Variants in INPP4B observed in about 807,000 individuals in gnomAD.
INPP4B encodes the protein inositol polyphosphate 4-phosphatase type II.
INPP4B carries 55 observed loss-of-function variants against 122.5 expected under a neutral mutation model. The ratio of observed to expected loss-of-function variants is 0.45; its 90% confidence interval spans 0.36 to 0.56. INPP4B has a LOEUF of 0.56. INPP4B is among the 20% of genes least tolerant of loss of function. The pLI is 0.00. For synonymous variants in INPP4B, 403 were observed against 388.7 expected (o/e 1.04, Z -0.43); for missense variants, 1,000 against 1,097.7 (o/e 0.91, Z 1.26).
At chr4:142,608,335 G>T (rs183890142) in intron 2 of INPP4B, among the ~76,000 whole-genome samples, 1 of 152,086 alleles carries the variant, frequency 6.6e-6, no homozygotes, top group East Asian at 1.9e-4. Context: ...CCACACCTTT[G>T]GCATTATAGT....
chr4:142,622,775 T>C (rs1745252498), intron 2 of INPP4B, among the ~76,000 whole-genome samples: 1 of 152,014 alleles, frequency 6.6e-6, no homozygotes, highest in Non-Finnish European at 1.5e-5. Context: ...ATTTTGTTAT[T>C]GTTAAAAAAG....
At chr4:142,132,527 AAAGT>A (rs1214913584) in intron 18 of INPP4B, among the ~76,000 whole-genome samples, 2 of 152,208 alleles carry the variant, frequency 1.3e-5, no homozygotes, top group Non-Finnish European at 2.9e-5. Context: ...TCAAATAAAC[AAAGT>A]AATTTCTACA....
chr4:142,338,800 C>A (rs1477734558), intron 7 of INPP4B, among the ~76,000 whole-genome samples: 4 of 152,190 alleles, frequency 2.6e-5, no homozygotes, highest in Non-Finnish European at 5.9e-5. Flanking sequence ...AAGCGCTCTT[C>A]TACTTGTTCC....
At chr4:142,192,147 C>A (rs576692092) in intron 15 of INPP4B, among the ~76,000 whole-genome samples, 3 of 151,520 alleles carry the variant, frequency 2.0e-5, no homozygotes, top group South Asian at 4.2e-4. Flanking sequence ...CTTCAACAGA[C>A]ACCAGGACCT....
chr4:142,047,625 C>A (rs1250130411), intron 25 of INPP4B, among the ~76,000 whole-genome samples: 1 of 151,984 alleles, frequency 6.6e-6, no homozygotes, highest in Non-Finnish European at 1.5e-5. Flanking sequence ...TACTCTTCGG[C>A]TCCCACAAAA....
chr4:142,351,572 G>A (rs1781941575), intron 7 of INPP4B, among the ~76,000 whole-genome samples: 1 of 151,876 alleles, frequency 6.6e-6, no homozygotes, highest in African/African-American at 2.4e-5. Context: ...CCTGGGACTT[G>A]GACTCAGTTA....
At chr4:142,226,427 C>A (rs974954130) in intron 12 of INPP4B, among the ~76,000 whole-genome samples, 2 of 152,152 alleles carry the variant, frequency 1.3e-5, no homozygotes, top group African/African-American at 2.4e-5. Context: ...CCTTACATAT[C>A]ATGATTATGG....
intron 25 of INPP4B, among the ~76,000 whole-genome samples, chr4:142,051,931 A>G (rs17015340): frequency 0.01 from 1,562 of 152,154 alleles, 13 homozygotes; most frequent in Non-Finnish European, 0.017. Context: ...GTGGGTCCAG[A>G]ACCTCTCATT....
intron 1 of INPP4B, among the ~76,000 whole-genome samples, chr4:142,836,960 G>A (rs908679443): frequency 1.3e-5 from 2 of 151,932 alleles, no homozygotes; most frequent in African/African-American, 4.8e-5. Context: ...GAGGTCAGGA[G>A]TTCGTAACCA....
At chr4:142,473,628 G>A (rs1468030083) in intron 2 of INPP4B, among the ~76,000 whole-genome samples, 2 of 152,212 alleles carry the variant, frequency 1.3e-5, no homozygotes, top group South Asian at 2.1e-4. Context: ...GTGCCTGAGA[G>A]CAGTAAGATT....
At chr4:142,796,052 C>T (rs933007339) in intron 1 of INPP4B, among the ~76,000 whole-genome samples, 5 of 151,858 alleles carry the variant, frequency 3.3e-5, no homozygotes, top group African/African-American at 1.2e-4. Flanking sequence ...AAATAAAACC[C>T]CTTATTGTTG....
At chr4:142,692,573 G>T (rs1760344625) in intron 2 of INPP4B, among the ~76,000 whole-genome samples, 1 of 152,138 alleles carries the variant, frequency 6.6e-6, no homozygotes, top group Admixed American at 6.6e-5. Flanking sequence ...AAATTAAAGG[G>T]ACACAAAGTA....
At chr4:142,489,894 T>C (rs1453117743) in intron 2 of INPP4B, among the ~76,000 whole-genome samples, 2 of 152,182 alleles carry the variant, frequency 1.3e-5, no homozygotes, top group Non-Finnish European at 2.9e-5. Context: ...ATAATCCTTA[T>C]CTCAAAGTTC....
At chr4:142,188,025 C>A (rs1016160762) in intron 15 of INPP4B, among the ~76,000 whole-genome samples, 3 of 152,098 alleles carry the variant, frequency 2.0e-5, no homozygotes, top group African/African-American at 7.2e-5. Flanking sequence ...ACCCAGTATG[C>A]TACCAGTAAT....
chr4:142,106,384 TACTCCCA>T (rs1787123918), intron 23 of INPP4B, among the ~76,000 whole-genome samples: 2 of 152,086 alleles, frequency 1.3e-5, no homozygotes, highest in Non-Finnish European at 2.9e-5. Flanking sequence ...GCTCAAGCCA[TACTCCCA>T]CCCCTCAGCG....
At chr4:142,739,533 A>C (rs1214705245) in intron 1 of INPP4B, among the ~76,000 whole-genome samples, 1 of 152,060 alleles carries the variant, frequency 6.6e-6, no homozygotes, top group Non-Finnish European at 1.5e-5. Context: ...ATATTTCAGT[A>C]AATTCGATTG....
chr4:142,512,517 G>A (rs976967341), intron 2 of INPP4B, among the ~76,000 whole-genome samples: 1 of 152,074 alleles, frequency 6.6e-6, no homozygotes, highest in Non-Finnish European at 1.5e-5. Flanking sequence ...TCTTCTAAAA[G>A]ACCAAGAAAA....
At chr4:142,716,014 C>T (rs1217119187) in intron 2 of INPP4B, among the ~76,000 whole-genome samples, 1 of 152,160 alleles carries the variant, frequency 6.6e-6, no homozygotes, top group African/African-American at 2.4e-5. Flanking sequence ...ATTCTAAGGA[C>T]AAGTGTCCCA....
intron 11 of INPP4B, among the ~76,000 whole-genome samples, chr4:142,245,571 G>T (rs968266320): frequency 2.0e-5 from 3 of 151,958 alleles, no homozygotes; most frequent in African/African-American, 7.3e-5. Context: ...TCTCGGCCAG[G>T]TTTTTGTATC....
Sources: gnomAD v4.1 joint callset for allele counts (sites outside exome capture counted in the v4.1 genomes callset) on GRCh38, gnomAD v4.1.1 for gene constraint, MANE v1.5 for transcripts, NCBI Gene and HGNC (gene_info 2026-07-23, HGNC 2026-07-21) for gene names.